Variants in TFAP2D observed in about 807,000 individuals in gnomAD.
TFAP2D encodes the protein transcription factor AP-2 delta, also known as transcription factor AP-2-delta.
TFAP2D carries 9 observed loss-of-function variants against 43.6 expected under a neutral mutation model. The ratio of observed to expected loss-of-function variants is 0.21; its 90% CI spans 0.12 to 0.36. The LOEUF (loss-of-function observed/expected upper bound fraction) is 0.36, where lower values mean the gene tolerates loss of function less well. Among genes scored for constraint, TFAP2D ranks in the 10% least tolerant of loss-of-function variants. The pLI is 1.00. For synonymous variants in TFAP2D, 256 were observed against 224.9 expected (o/e 1.14, Z -1.24); for missense variants, 513 against 561.4 (o/e 0.91, Z 0.87).
intron 5 of TFAP2D, among the ~76,000 whole-genome samples, chr6:50,736,515 T>C (rs9367409): frequency 0.31 from 46,624 of 152,062 alleles, 7,299 homozygotes; most frequent in East Asian, 0.43. Flanking sequence ...AAAAATTGGT[T>C]TCAATGAACC....
intron 1 of TFAP2D, 44 bp downstream of exon 1, chr6:50,714,138 TGTGGCGGCGGCGGCG>T (rs757913747): frequency 1.3e-6 from 2 of 1,571,120 alleles, no homozygotes; most frequent in Non-Finnish European, 1.7e-6. Context: ...CGCGCGTGTG[TGTGGCGGCGGCGGCG>T]GTGGCGGCGG....
chr6:50,719,037 T>C, intron 2 of TFAP2D, 53 bp from the exon 3 acceptor site: 14 of 1,553,712 alleles, frequency 9.0e-6, no homozygotes, highest in Non-Finnish European at 1.2e-5. Context: ...ACCTACGTGG[T>C]CATGCATATG....
intron 5 of TFAP2D, among the ~76,000 whole-genome samples, chr6:50,742,607 T>C: frequency 6.6e-6 from 1 of 151,414 alleles, no homozygotes; most frequent in Non-Finnish European, 1.5e-5. Flanking sequence ...GATAGATAGA[T>C]AGATAGATAG....
chr6:50,742,441 C>G (rs542298760), intron 5 of TFAP2D, among the ~76,000 whole-genome samples: 59 of 152,140 alleles, frequency 3.9e-4, no homozygotes, highest in Admixed American at 2.8e-3. Context: ...GGTTTTAGCA[C>G]AAAATTCAAG....
intron 6 of TFAP2D, among the ~76,000 whole-genome samples, chr6:50,748,276 G>A (rs184884719): frequency 1.3e-5 from 2 of 152,024 alleles, no homozygotes; most frequent in Admixed American, 1.3e-4. Context: ...CAATGGTAAA[G>A]CATGAGGTAT....
At chr6:50,745,999 C>T (rs1317389805) in intron 6 of TFAP2D, among the ~76,000 whole-genome samples, 1 of 152,008 alleles carries the variant, frequency 6.6e-6, no homozygotes, top group African/African-American at 2.4e-5. Context: ...TGTAAAAATC[C>T]AGCAGAACCG....
intron 7 of TFAP2D, among the ~76,000 whole-genome samples, chr6:50,765,799 C>A (rs1038395181): frequency 2.0e-5 from 3 of 151,920 alleles, no homozygotes; most frequent in Non-Finnish European, 4.4e-5. Flanking sequence ...CTAATATTTT[C>A]TCCCATTCCA....
intron 2 of TFAP2D, among the ~76,000 whole-genome samples, chr6:50,716,874 A>C (rs1482863651): frequency 6.6e-6 from 1 of 152,228 alleles, no homozygotes; most frequent in Non-Finnish European, 1.5e-5. Flanking sequence ...TTTACCTTTG[A>C]GCAAGAGATT....
chr6:50,772,971 C>T lies in TFAP2D; in HGVS notation c.*107C>T. 1 of 947,660 alleles carries T rather than the reference C, an allele frequency of 1.1e-6. No homozygotes were observed. 58.7% of individuals were successfully genotyped at this position (947,660 alleles called of 1,614,324 possible). A position where few individuals can be genotyped will look rare whatever the true frequency, so the allele number is the denominator to read the frequency against. ...TTCAGTGGACCAAATCTCTACCCTT[C>T]CCCAACCCTCCATAAAAAAACAAAA... On this transcript the variant is annotated 3_prime_UTR_variant, in exon 8 of 8. Transcript: ENST00000008391.
intron 1 of TFAP2D, 34 bp from the exon 2 acceptor site, chr6:50,715,082 T>C (rs754189924): frequency 6.3e-7 from 1 of 1,593,974 alleles, no homozygotes; most frequent in African/African-American, 1.3e-5. Context: ...ACCTCAAGTT[T>C]TTCTGCTCTC....
intron 7 of TFAP2D, among the ~76,000 whole-genome samples, chr6:50,768,644 ATTACT>A (rs1769479340): frequency 6.6e-6 from 1 of 152,140 alleles, no homozygotes; most frequent in Non-Finnish European, 1.5e-5. Context: ...AGTACATTAG[ATTACT>A]TTAATTATTT....
At position 50,719,114 on chromosome 6, in the gene TFAP2D, C is replaced by T; in HGVS notation, c.562C>T (p.Leu188Phe). ...LQGSVEAQCG[L>F]VLNGQGGVIR... is the part of the protein sequence containing the mutation. ...GGGCTCTGTGGAGGCCCAGTGTGGG[C>T]TTGTTCTCAATGGCCAAGGTGGAGT... The change falls in exon 3 of 8, where the codon CTT becomes TTT. Residue 188 changes from leucine (L) to phenylalanine (F), a missense_variant. Leu to Phe is a conservative substitution (Grantham distance 22, BLOSUM62 0). Around this residue, in one of 3 missense-constraint regions of TFAP2D, gnomAD observed 311 missense variants for 316.2 expected, o/e 0.98. Transcript: ENST00000008391. 6.2e-7 allele frequency: 1 copy of T among 1,613,968 alleles called. No homozygotes were observed. Among genetic ancestry groups the T allele is most frequent in the South Asian group, 1.1e-5 (1 of 91,060 alleles).
At chr6:50,724,050 G>C (rs1045036891) in intron 3 of TFAP2D, among the ~76,000 whole-genome samples, 1 of 152,062 alleles carries the variant, frequency 6.6e-6, no homozygotes, top group East Asian at 1.9e-4. Context: ...TTCCAATTAA[G>C]TCCGCATCCT....
rs769284736 is a variant in TFAP2D, at chr6:50,715,592, C to T, written c.516C>T (p.Ala172=). The part of the protein sequence containing the change: ...LLPGPSLGLA[A]AGADDLQGSV... The stretch of plus-strand genomic sequence containing the variant: ...CAGGGCCCAGCCTGGGGCTGGCCGC[C>T]GCGGGAGCAGACGACTTGCAGGTAA... The change falls in exon 2 of 8, where the codon GCC becomes GCT. Residue 172 remains alanine (A), a synonymous_variant. Transcript: ENST00000008391. 1.9e-6 allele frequency: 3 copies of T among 1,596,524 alleles called. No homozygotes were observed. The highest frequency in any genetic ancestry group is 1.7e-6 in the Non-Finnish European group (2 of 1,170,244).
At chr6:50,750,905 A>G (rs1769191381) in intron 6 of TFAP2D, among the ~76,000 whole-genome samples, 1 of 152,048 alleles carries the variant, frequency 6.6e-6, no homozygotes, top group African/African-American at 2.4e-5. Context: ...TGATCATTTC[A>G]TATGGGGTTC....
At chr6:50,725,096 G>A (rs138243835) in intron 3 of TFAP2D, among the ~76,000 whole-genome samples, 186 of 152,270 alleles carry the variant, frequency 1.2e-3, no homozygotes, top group African/African-American at 4.2e-3. Flanking sequence ...CTGGCCAGAT[G>A]TCCCCTGTTA....
chr6:50,772,932 G>A lies in TFAP2D; in HGVS notation c.*68G>A, dbSNP rs2113898372. The A allele has an allele frequency of 7.0e-7, 1 of 1,419,104 alleles. No homozygotes were observed. The highest frequency in any genetic ancestry group is 9.6e-7 in the Non-Finnish European group (1 of 1,038,304). 87.9% of individuals were successfully genotyped at this position (1,419,104 alleles called of 1,614,324 possible). ...TATTTTTTCTAATATATATATCATTGAGGGTGACTAATCTTCAGTGGACCA... is the reference window on the plus strand; with the variant it reads ...TATTTTTTCTAATATATATATCATTAAGGGTGACTAATCTTCAGTGGACCA... On this transcript the variant is annotated 3_prime_UTR_variant, in exon 8 of 8. Transcript: ENST00000008391.
intron 3 of TFAP2D, among the ~76,000 whole-genome samples, chr6:50,724,413 G>T (rs545503918): frequency 6.6e-6 from 1 of 152,320 alleles, no homozygotes; most frequent in East Asian, 1.9e-4. Flanking sequence ...TTGCTCTCAA[G>T]ATTTGGTCTA....
At chr6:50,737,536 C>T (rs1192702300) in intron 5 of TFAP2D, among the ~76,000 whole-genome samples, 1 of 152,110 alleles carries the variant, frequency 6.6e-6, no homozygotes. Flanking sequence ...AAAATACTTC[C>T]TTTTCACTCT....
Sources: allele counts gnomAD v4.1 joint callset (sites outside exome capture counted in the v4.1 genomes callset), GRCh38; gene constraint gnomAD v4.1.1; regional missense constraint gnomAD v4.1.1; transcripts MANE v1.5; gene names NCBI Gene and HGNC (gene_info 2026-07-23, HGNC 2026-07-21).